Variants in DIS3L2 observed in about 807,000 individuals in gnomAD.
DIS3L2 encodes the protein DIS3-like exonuclease 2.
DIS3L2 carries 34 observed loss-of-function variants against 97.5 expected under a neutral mutation model. That is an observed-to-expected ratio of 0.35 (90% CI 0.27 to 0.46). DIS3L2 has a LOEUF of 0.46. Among genes scored for constraint, DIS3L2 ranks in the 20% least tolerant of loss-of-function variants. The probability of loss-of-function intolerance (pLI) is 1.00; values close to 1 mark genes in which losing one functional copy is unlikely to be tolerated. For missense variants in DIS3L2, 1,038 were observed against 1,146.0 expected (o/e 0.91, Z 1.36); for synonymous variants, 435 against 445.2 (o/e 0.98, Z 0.29).
chr2:231,965,293 G>GT (rs1422129780), intron 1 of DIS3L2, among the ~76,000 whole-genome samples: 1 of 152,152 alleles, frequency 6.6e-6, no homozygotes, highest in Non-Finnish European at 1.5e-5. Flanking sequence ...AGCAGCGGTA[G>GT]TATCAGGAAT....
intron 7 of DIS3L2, chr2:232,130,995 AT>A (rs1285454705): frequency 2.7e-6 from 1 of 370,968 alleles, no homozygotes; most frequent in East Asian, 4.3e-5. Context: ...CACACTTGTA[AT>A]GCAGCATTTA....
intron 10 of DIS3L2, among the ~76,000 whole-genome samples, chr2:232,224,563 G>C (rs935743398): frequency 3.9e-5 from 6 of 152,134 alleles, no homozygotes; most frequent in African/African-American, 1.4e-4. Context: ...GTTGAAAAGG[G>C]TGCAGTGGTT....
rs371633100 is a variant in DIS3L2 at position 232,098,842 on chromosome 2, A to G, written c.601+11121A>G. Reference sequence around the variant, plus strand: ...CATTTTGTCATTTAGTCATTTGTCTATTAACTTTGTGTGGCATTCATAGAA... The same window carrying G: ...CATTTTGTCATTTAGTCATTTGTCTGTTAACTTTGTGTGGCATTCATAGAA... On this transcript the variant is annotated intron_variant, in intron 6 of 20. Coordinates refer to ENST00000325385, the MANE Select transcript of DIS3L2 (RefSeq NM_152383.5). Among the ~76,000 whole-genome samples, 408 of 152,190 alleles carry G rather than the reference A, an allele frequency of 2.7e-3. 1 individual carries two copies. The highest frequency in any genetic ancestry group is 9.1e-3 in the African/African-American group (377 of 41,536).
intron 6 of DIS3L2, among the ~76,000 whole-genome samples, chr2:232,124,149 A>G (rs1697987952): frequency 6.6e-6 from 1 of 152,236 alleles, no homozygotes; most frequent in South Asian, 2.1e-4. Flanking sequence ...TAGAATCATC[A>G]CAGTCTAAAA....
intron 9 of DIS3L2, among the ~76,000 whole-genome samples, chr2:232,182,836 G>A (rs889263625): frequency 1.3e-5 from 2 of 152,080 alleles, no homozygotes; most frequent in African/African-American, 2.4e-5. Context: ...AATATAATGT[G>A]GCAGCTCTGG....
Position 232,330,793 on chromosome 2 carries a change from C to A in DIS3L2, c.2010+17C>A. The stretch of plus-strand genomic sequence containing the variant: ...CCCATGCAGGTAAGGAGGGCCCAGC[C>A]CCGGCCTCCCCTGCTCCCAGGAGCA... On this transcript the variant is annotated intron_variant, in intron 16 of 20. Transcript: ENST00000325385. 1 of 1,605,716 alleles carries A rather than the reference C, an allele frequency of 6.2e-7. No homozygotes were observed. Among genetic ancestry groups the A allele is most frequent in the Non-Finnish European group, 8.5e-7 (1 of 1,179,192 alleles).
At chr2:232,308,244 C>G (rs1284155955) in intron 14 of DIS3L2, among the ~76,000 whole-genome samples, 1 of 152,198 alleles carries the variant, frequency 6.6e-6, no homozygotes, top group Non-Finnish European at 1.5e-5. Context: ...GTAGTAGACC[C>G]TGGCAGACCC....
intron 9 of DIS3L2, among the ~76,000 whole-genome samples, chr2:232,197,967 TAA>T (rs535772798): frequency 0.013 from 1,769 of 137,724 alleles, 15 homozygotes; most frequent in Non-Finnish European, 0.019. Flanking sequence ...TCCATCTCAT[TAA>T]AAAAAAAAAA....
At chr2:232,212,720 C>T (rs867148157) in intron 10 of DIS3L2, among the ~76,000 whole-genome samples, 2 of 152,188 alleles carry the variant, frequency 1.3e-5, no homozygotes, top group African/African-American at 4.8e-5. Flanking sequence ...AGGAGAGAAA[C>T]TAGAGGCTGG....
At chr2:232,264,924 G>C (rs1693815320) in intron 13 of DIS3L2, among the ~76,000 whole-genome samples, 1 of 152,232 alleles carries the variant, frequency 6.6e-6, no homozygotes, top group Non-Finnish European at 1.5e-5. Flanking sequence ...GGCTCGGGCA[G>C]CCTGAGCAGG....
chr2:232,133,858 C>G (rs1426475112), intron 7 of DIS3L2, among the ~76,000 whole-genome samples: 1 of 151,676 alleles, frequency 6.6e-6, no homozygotes, highest in Non-Finnish European at 1.5e-5. Context: ...CGTGGTGGCA[C>G]ATACCTGTAA....
At chr2:232,170,646 GATTTT>G (rs1259488039) in intron 9 of DIS3L2, among the ~76,000 whole-genome samples, 2 of 152,024 alleles carry the variant, frequency 1.3e-5, no homozygotes, top group East Asian at 3.9e-4. Context: ...GCCAACTAGT[GATTTT>G]ATTATTATAA....
At chr2:232,239,067 A>G (rs1211154707) in intron 11 of DIS3L2, among the ~76,000 whole-genome samples, 2 of 152,222 alleles carry the variant, frequency 1.3e-5, no homozygotes, top group East Asian at 3.8e-4. Flanking sequence ...GGTGGGAGCC[A>G]ATCTGGTCCT....
intron 1 of DIS3L2, among the ~76,000 whole-genome samples, chr2:231,993,019 A>G (rs1559522593): frequency 6.6e-6 from 1 of 151,692 alleles, no homozygotes; most frequent in Non-Finnish European, 1.5e-5. Flanking sequence ...TTTGGTTATG[A>G]TTTGTTCTCT....
intron 5 of DIS3L2, among the ~76,000 whole-genome samples, chr2:232,054,280 A>G (rs1695487315): frequency 6.6e-6 from 1 of 152,212 alleles, no homozygotes; most frequent in Non-Finnish European, 1.5e-5. Context: ...TGAATATAAC[A>G]TAGTGTACTG....
intron 9 of DIS3L2, among the ~76,000 whole-genome samples, chr2:232,182,562 C>T (rs905806408): frequency 2.6e-5 from 4 of 152,086 alleles, no homozygotes; most frequent in African/African-American, 4.8e-5. Flanking sequence ...CCCTTAAGTT[C>T]TGCCATTTTT....
At chr2:232,218,235 C>T (rs772132635) in intron 10 of DIS3L2, among the ~76,000 whole-genome samples, 8 of 152,150 alleles carry the variant, frequency 5.3e-5, no homozygotes, top group Non-Finnish European at 8.8e-5. Context: ...CGAGGAACCG[C>T]GGATGAACAC....
chr2:232,270,632 T>A (rs552927594), intron 13 of DIS3L2, among the ~76,000 whole-genome samples: 1 of 152,320 alleles, frequency 6.6e-6, no homozygotes, highest in Non-Finnish European at 1.5e-5. Flanking sequence ...TTTGACCTGA[T>A]CTCTGATTAT....
At chr2:232,256,019 T>C (rs553453994) in intron 12 of DIS3L2, among the ~76,000 whole-genome samples, 2 of 152,356 alleles carry the variant, frequency 1.3e-5, no homozygotes, top group South Asian at 4.1e-4. Context: ...CTCCTGACTG[T>C]CCTTGCAGCC....
Sources: gnomAD v4.1 joint callset for allele counts (sites outside exome capture counted in the v4.1 genomes callset) on GRCh38, gnomAD v4.1.1 for gene constraint, MANE v1.5 for transcripts, NCBI Gene and HGNC (gene_info 2026-07-23, HGNC 2026-07-21) for gene names.